Variants in C18orf54 observed in about 807,000 individuals in gnomAD.
C18orf54 encodes the protein lung adenoma susceptibility protein 2.
In C18orf54, 49 loss-of-function variants were observed where a neutral mutation model predicts 49.3. The ratio of observed to expected loss-of-function variants is 0.99; its 90% confidence interval spans 0.79 to 1.26. C18orf54 has a LOEUF of 1.26. C18orf54 is among the 50% of genes most tolerant of loss of function. The pLI, the probability that C18orf54 is intolerant of heterozygous loss-of-function variation, is 0.00. For missense variants in C18orf54, 687 were observed against 620.6 expected (o/e 1.11, Z -1.14); for synonymous variants, 211 against 216.6 (o/e 0.97, Z 0.23).
chr18:54,364,930 TG>T (rs2089351461), intron 5 of C18orf54, among the ~76,000 whole-genome samples: 1 of 152,034 alleles, frequency 6.6e-6, no homozygotes, highest in Non-Finnish European at 1.5e-5. Flanking sequence ...TACCTCATAG[TG>T]TTGTAAGAAT....
intron 8 of C18orf54, among the ~76,000 whole-genome samples, chr18:54,374,649 C>T (rs527877886): frequency 1.3e-5 from 2 of 151,576 alleles, no homozygotes; most frequent in African/African-American, 4.8e-5. Context: ...ATAAATGGAT[C>T]GTGATTTGGA....
intron 8 of C18orf54, among the ~76,000 whole-genome samples, chr18:54,376,630 C>G (rs1418460346): frequency 1.3e-5 from 2 of 152,184 alleles, no homozygotes; most frequent in Admixed American, 1.3e-4. Context: ...CCACGCCCAG[C>G]TGAATATTTT....
chr18:54,359,062 G>A (rs1005923991), intron 2 of C18orf54, among the ~76,000 whole-genome samples, 192 bp downstream of exon 2: 8 of 152,170 alleles, frequency 5.3e-5, no homozygotes, highest in Non-Finnish European at 1.0e-4. Flanking sequence ...TTGGGGAAAA[G>A]TTGGAAAACT....
chr18:54,370,453 A>G (rs1021015720), intron 6 of C18orf54, among the ~76,000 whole-genome samples: 1 of 152,170 alleles, frequency 6.6e-6, no homozygotes, highest in African/African-American at 2.4e-5. Context: ...TTGAACTTTT[A>G]TATTCACAAA....
intron 6 of C18orf54, among the ~76,000 whole-genome samples, 155 bp from the exon 7 acceptor site, chr18:54,372,311 G>A (rs1034891849): frequency 7.9e-5 from 12 of 151,992 alleles, no homozygotes; most frequent in Non-Finnish European, 1.6e-4. Flanking sequence ...TGGGGAAGTG[G>A]TGAGTTACAA....
intron 2 of C18orf54, among the ~76,000 whole-genome samples, chr18:54,359,245 C>T (rs2089211904): frequency 6.6e-6 from 1 of 152,136 alleles, no homozygotes; most frequent in Admixed American, 6.5e-5. Context: ...AACATTTGGT[C>T]AGGCTTATCC....
At position 54,369,517 on chromosome 18, in the gene C18orf54, T is replaced by G. The variant is rs555070011; in HGVS notation, c.1327-2949T>G. 2.3e-5 allele frequency among the ~76,000 whole-genome samples: 3 copies of G among 130,320 alleles called. No individual in the cohort carries two copies. In the East Asian group the frequency reaches 7.6e-4, roughly 33 times the overall value. 85.5% of individuals were successfully genotyped at this position (130,320 alleles called of 152,430 possible). A position where few individuals can be genotyped will look rare whatever the true frequency, so the allele number is the denominator to read the frequency against. ...GACAGTCTTACTCTGTCTCCCAGGC[T>G]GGAGCGCAGTGGCACAATCTCTACT... On this transcript the variant is annotated intron_variant, in intron 6 of 8. Coordinates refer to ENST00000620105, the MANE Select transcript of C18orf54 (RefSeq NM_001288980.2).
chr18:54,360,721 A>C lies in C18orf54; in HGVS notation c.149A>C (p.Gln50Pro). Residue 50 changes from glutamine to proline, a missense_variant, in exon 3 of 9, where the codon CAA (glutamine) becomes CCA (proline). Coordinates refer to ENST00000620105, the MANE Select transcript of C18orf54 (RefSeq NM_001288980.2). The part of the protein sequence containing the change: ...YKDKLYRSAS[Q>P]ALQAYIDDFD... ...GATAAGCTGTACAGATCTGCTTCTC[A>C]AGCTCTACAGGCTTATATTGATGAT... 1 of 1,614,090 alleles carries C rather than the reference A, an allele frequency of 6.2e-7. No individual in the cohort carries two copies. The highest frequency in any genetic ancestry group is 8.5e-7 in the Non-Finnish European group (1 of 1,179,958).
rs1599333945 is a variant in C18orf54 at position 54,365,639 on chromosome 18, G to T, written c.1224-80G>T. The T allele has an allele frequency of 6.7e-6, 5 of 740,906 alleles. No homozygotes were observed. The East Asian group carries it at 1.3e-4, about 19-fold the overall frequency. The allele number at this position is 740,906 out of a possible 1,614,324, so 45.9% of individuals were successfully genotyped here. On this transcript the variant is annotated intron_variant, in intron 5 of 8. Transcript: ENST00000620105. ...TTGGTGACTACTTGTATTTAAATGA[G>T]AATTCTTAAATTATATACTGTTTAC...
rs1221644549 is a variant in C18orf54 at position 54,357,984 on chromosome 18, G to A, written c.-235G>A. ...GCGGAGGAAGCTGCGAGTGAGCCGAGCCTGAGGCGGGGCGGTGTCCGGGTT... is the reference window on the plus strand; with the variant it reads ...GCGGAGGAAGCTGCGAGTGAGCCGAACCTGAGGCGGGGCGGTGTCCGGGTT... On this transcript the variant is annotated 5_prime_UTR_variant, in exon 1 of 9. Coordinates refer to ENST00000620105, the MANE Select transcript of C18orf54 (RefSeq NM_001288980.2). 6.5e-6 allele frequency: 1 copy of A among 152,826 alleles called. No homozygotes were observed. The highest frequency in any genetic ancestry group is 2.4e-5 in the African/African-American group (1 of 41,490). The allele number at this position is 152,826 out of a possible 1,614,324, so 9.5% of individuals were successfully genotyped here.
rs565092058 is a variant in C18orf54, at chr18:54,377,503, A to G, written c.1530-671A>G. On this transcript the variant is annotated intron_variant, in intron 8 of 8. Coordinates refer to ENST00000620105, the MANE Select transcript of C18orf54 (RefSeq NM_001288980.2). ...GGGAGAGAAAAACTGGAAAAATATA[A>G]ATTAGAGAAGGCTTGGAAAGTTAAG... Among the ~76,000 whole-genome samples the G allele has an allele frequency of 1.2e-4, 18 of 152,320 alleles. No homozygotes were observed. The East Asian group carries it at 2.9e-3, about 24-fold the overall frequency.
In C18orf54 at chr18:54,378,404, A is replaced by G. The variant is rs979929885; in HGVS notation, c.*158A>G. 3 of 590,942 alleles carry G rather than the reference A, an allele frequency of 5.1e-6. No homozygotes were observed. The highest frequency in any genetic ancestry group is 3.8e-5 in the African/African-American group (2 of 52,844). The allele number at this position is 590,942 out of a possible 1,614,324, so 36.6% of individuals were successfully genotyped here. Reference sequence around the variant, plus strand: ...TAAAACACTAAACTTGAAAATACCCATAGGTTTTGGGACCTATCTTTATTT... The same window carrying G: ...TAAAACACTAAACTTGAAAATACCCGTAGGTTTTGGGACCTATCTTTATTT... On this transcript the variant is annotated 3_prime_UTR_variant, in exon 9 of 9. Coordinates refer to ENST00000620105, the MANE Select transcript of C18orf54 (RefSeq NM_001288980.2).
rs547992501 is a variant in C18orf54, at chr18:54,360,996, A to G, written c.283+141A>G. ...AATATTGAGATCTGGGTGTTTTTGT[A>G]AAATGATTATATAATTCTCTGTGGA... On this transcript the variant is annotated intron_variant, in intron 3 of 8. Transcript: ENST00000620105. The G allele has an allele frequency of 3.4e-5, 27 of 786,564 alleles. No individual in the cohort carries two copies. The East Asian group carries it at 6.3e-4, about 18-fold the overall frequency. The allele number at this position is 786,564 out of a possible 1,614,324, so 48.7% of individuals were successfully genotyped here. A position where few individuals can be genotyped will look rare whatever the true frequency, so the allele number is the denominator to read the frequency against.
chr18:54,364,784 C>T (rs895132072), intron 5 of C18orf54, among the ~76,000 whole-genome samples: 1 of 151,862 alleles, frequency 6.6e-6, no homozygotes, highest in African/African-American at 2.4e-5. Context: ...GAAAGGACTA[C>T]CTGATAGTAT....
chr18:54,360,771 G>A lies in C18orf54; in HGVS notation c.199G>A (p.Gly67Ser), dbSNP rs572366227. 252 of 1,613,464 alleles carry A rather than the reference G, an allele frequency of 1.6e-4. 1 individual carries two copies. In the South Asian group the frequency reaches 2.6e-3, roughly 17 times the overall value. The change falls in exon 3 of 9, where the codon GGT becomes AGT. Residue 67 changes from glycine (G) to serine (S), a missense_variant. Transcript: ENST00000620105. The part of the protein sequence containing the change: ...DDFDLGQIYP[G>S]ASTGKINIDE... ...TTTTGATCTAGGCCAAATATATCCT[G>A]GTGCAAGCACTGGAAAAATTAACAT...
At position 54,379,205 on chromosome 18, in the gene C18orf54, T is replaced by C. The variant is rs2089625551; in HGVS notation, c.*959T>C. The C allele has an allele frequency of 6.6e-6, 1 of 152,086 alleles. No homozygotes were observed. Among genetic ancestry groups the C allele is most frequent in the Admixed American group, 6.5e-5 (1 of 15,270 alleles). The allele number at this position is 152,086 out of a possible 1,614,324, so 9.4% of individuals were successfully genotyped here. A position where few individuals can be genotyped will look rare whatever the true frequency, so the allele number is the denominator to read the frequency against. ...CTCTATAATTTTTACCAAGCACTTA[T>C]TATTAATACTTCTTATAAGTAGTAA... On this transcript the variant is annotated 3_prime_UTR_variant, in exon 9 of 9. Coordinates refer to ENST00000620105, the MANE Select transcript of C18orf54 (RefSeq NM_001288980.2).
chr18:54,368,796 T>G (rs937333859), intron 6 of C18orf54, among the ~76,000 whole-genome samples: 2 of 152,158 alleles, frequency 1.3e-5, no homozygotes, highest in African/African-American at 4.8e-5. Context: ...CTATATTTAT[T>G]AACTGAAAAC....
chr18:54,375,639 TCAC>T (rs2089557683), intron 8 of C18orf54, among the ~76,000 whole-genome samples: 1 of 151,926 alleles, frequency 6.6e-6, no homozygotes, highest in Admixed American at 6.6e-5. Flanking sequence ...AGTCATTTAA[TCAC>T]CACAAAAATC....
intron 2 of C18orf54, 49 bp from the exon 3 acceptor site, chr18:54,360,478 G>A (rs146562554): frequency 1.5e-4 from 185 of 1,249,090 alleles, no homozygotes; most frequent in African/African-American, 7.4e-4. Context: ...TTTTGTTTGT[G>A]TATGGTCACT....
Sources: allele counts gnomAD v4.1 joint callset (sites outside exome capture counted in the v4.1 genomes callset), GRCh38; gene constraint gnomAD v4.1.1; transcripts MANE v1.5; gene names NCBI Gene and HGNC (gene_info 2026-07-23, HGNC 2026-07-21).